CHODL: variants seen among roughly 807,000 people sequenced by gnomAD.
The protein encoded by CHODL is transmembrane protein MT75.
A neutral mutation model predicts 34.5 loss-of-function variants in CHODL; 29 were observed. The observed-to-expected ratio is 0.84, with a 90% CI of 0.63 to 1.15. The LOEUF is 1.15. CHODL is among the 50% of genes most tolerant of loss of function. The pLI is 0.00. For synonymous variants in CHODL, 125 were observed against 116.1 expected (o/e 1.08, Z -0.49); for missense variants, 332 against 332.5 (o/e 1.00, Z 0.01).
At chr21:18,052,901 T>A (rs1444866219) in intron 2 of CHODL, among the ~76,000 whole-genome samples, 4 of 151,936 alleles carry the variant, frequency 2.6e-5, no homozygotes, top group Admixed American at 1.3e-4. Context: ...ATGTTTTAGA[T>A]CCCCACAAAT....
rs530403036 is a variant in CHODL at position 18,168,453 on chromosome 21, T to A, written c.-44-88056T>A. Among the ~76,000 whole-genome samples, 86 of 152,316 alleles carry A rather than the reference T, an allele frequency of 5.6e-4. 1 individual carries two copies. The highest frequency in any genetic ancestry group is 5.0e-3 in the South Asian group (24 of 4,828). On this transcript the variant is annotated intron_variant, in intron 2 of 6. Transcript: ENST00000400127. ...TGTCAACACTAATGTCTGTCTTTTT[T>A]GTTTTAGCCATTCTAGTGCATGTGA...
intron 2 of CHODL, among the ~76,000 whole-genome samples, chr21:18,056,767 C>T (rs1259149629): frequency 2.0e-5 from 3 of 152,006 alleles, no homozygotes; most frequent in Non-Finnish European, 4.4e-5. Context: ...TTTAATCATG[C>T]TCCATGAATG....
intron 2 of CHODL, among the ~76,000 whole-genome samples, chr21:18,201,959 C>T (rs1229452019): frequency 6.6e-6 from 1 of 151,992 alleles, no homozygotes; most frequent in Non-Finnish European, 1.5e-5. Flanking sequence ...CGACCGCCAC[C>T]ACACTCGACT....
At chr21:18,209,016 T>G (rs1275415007) in intron 2 of CHODL, among the ~76,000 whole-genome samples, 1 of 152,078 alleles carries the variant, frequency 6.6e-6, no homozygotes, top group East Asian at 1.9e-4. Context: ...TGGTAACCAT[T>G]GCCTGTCTAC....
At chr21:17,981,180 T>TA (rs547156119) in intron 1 of CHODL, among the ~76,000 whole-genome samples, 144 of 152,240 alleles carry the variant, frequency 9.5e-4, no homozygotes, top group African/African-American at 3.2e-3. Context: ...TGTTATTGTT[T>TA]AAAAAAACCT....
At chr21:18,057,369 A>G (rs1167890183) in intron 2 of CHODL, among the ~76,000 whole-genome samples, 3 of 151,882 alleles carry the variant, frequency 2.0e-5, no homozygotes, top group Admixed American at 6.6e-5. Flanking sequence ...TTTTAGGTTC[A>G]TAGCAAAATT....
chr21:18,198,668 G>A (rs1348355097), intron 2 of CHODL, among the ~76,000 whole-genome samples: 1 of 151,988 alleles, frequency 6.6e-6, no homozygotes, highest in African/African-American at 2.4e-5. Context: ...AGACATTCCT[G>A]AGATAGAATT....
chr21:18,099,168 T>C (rs2065179381), intron 2 of CHODL, among the ~76,000 whole-genome samples: 2 of 152,084 alleles, frequency 1.3e-5, no homozygotes, highest in South Asian at 4.1e-4. Context: ...AACTAGTATG[T>C]GACAGCACAA....
chr21:17,966,069 A>C (rs950097406), intron 1 of CHODL, among the ~76,000 whole-genome samples: 2 of 152,008 alleles, frequency 1.3e-5, no homozygotes, highest in Non-Finnish European at 2.9e-5. Flanking sequence ...GTCTAACGGA[A>C]TCCACCTCTG....
intron 1 of CHODL, among the ~76,000 whole-genome samples, chr21:18,254,248 A>G (rs2074290443): frequency 6.6e-6 from 1 of 152,154 alleles, no homozygotes; most frequent in South Asian, 2.1e-4. Context: ...AGAAAAGGCC[A>G]TAAATACCAA....
At chr21:17,959,665 C>T (rs142104196) in intron 1 of CHODL, among the ~76,000 whole-genome samples, 129 of 152,226 alleles carry the variant, frequency 8.5e-4, no homozygotes, top group Middle Eastern at 3.4e-3. Flanking sequence ...GGAAATTAAT[C>T]TTATTTTTCT....
At chr21:17,924,241 C>T (rs182900804) in intron 1 of CHODL, among the ~76,000 whole-genome samples, 11 of 152,298 alleles carry the variant, frequency 7.2e-5, no homozygotes, top group South Asian at 6.2e-4. Flanking sequence ...CAGCATCCTC[C>T]GCTGGAGTAT....
chr21:18,171,141 T>C lies in CHODL; in HGVS notation c.-44-85368T>C, dbSNP rs117894144. ...TTTTTTTTTTAATTGATAGTCTGTTTTATGAGACATTGTTCTCATACTTTT... is the reference window on the plus strand; with the variant it reads ...TTTTTTTTTTAATTGATAGTCTGTTCTATGAGACATTGTTCTCATACTTTT... On this transcript the variant is annotated intron_variant, in intron 2 of 6. Transcript: ENST00000400127. 3.2e-3 allele frequency among the ~76,000 whole-genome samples: 474 copies of C among 148,496 alleles called. 9 individuals are homozygous for C. The East Asian group carries it at 0.032, about 10-fold the overall frequency.
chr21:18,126,934 C>T (rs1449709588), intron 2 of CHODL, among the ~76,000 whole-genome samples: 2 of 152,176 alleles, frequency 1.3e-5, no homozygotes, highest in African/African-American at 2.4e-5. Context: ...TCAGCTCTTA[C>T]ACAACAATGC....
chr21:18,177,297 A>G (rs1267700442), intron 2 of CHODL, among the ~76,000 whole-genome samples: 1 of 152,120 alleles, frequency 6.6e-6, no homozygotes, highest in Non-Finnish European at 1.5e-5. Context: ...AGGTTGAAAA[A>G]GTTTATGTAA....
chr21:17,986,940 A>G (rs1286358333), intron 1 of CHODL, among the ~76,000 whole-genome samples: 1 of 152,220 alleles, frequency 6.6e-6, no homozygotes, highest in Non-Finnish European at 1.5e-5. Flanking sequence ...AGAGTAGACC[A>G]TGGTAGATGG....
intron 1 of CHODL, among the ~76,000 whole-genome samples, chr21:17,992,734 TTTTTTTTTTC>T (rs749433816): frequency 0.22 from 30,727 of 138,244 alleles, 4,290 homozygotes; most frequent in Non-Finnish European, 0.3. Context: ...TTTTTTTTTT[TTTTTTTTTTC>T]CAGACAGAGT....
intron 2 of CHODL, among the ~76,000 whole-genome samples, chr21:18,172,462 T>C (rs1341835820): frequency 6.6e-6 from 1 of 152,190 alleles, no homozygotes; most frequent in Admixed American, 6.5e-5. Flanking sequence ...TCTAACTTTA[T>C]TGTACACCTA....
At chr21:17,970,252 ACT>A (rs1475871867) in intron 1 of CHODL, among the ~76,000 whole-genome samples, 3 of 151,834 alleles carry the variant, frequency 2.0e-5, no homozygotes, top group African/African-American at 2.4e-5. Context: ...TGACCACAAA[ACT>A]CTATTTACAT....
Sources: gnomAD v4.1 joint callset for allele counts (sites outside exome capture counted in the v4.1 genomes callset) on GRCh38, gnomAD v4.1.1 for gene constraint, MANE v1.5 for transcripts, NCBI Gene and HGNC (gene_info 2026-07-23, HGNC 2026-07-21) for gene names.